Variants in CEMIP observed in about 807,000 individuals in gnomAD.
CEMIP encodes the protein cell migration-inducing and hyaluronan-binding protein.
CEMIP carries 105 observed loss-of-function variants against 156.9 expected under a neutral mutation model. The observed-to-expected ratio is 0.67, with a 90% CI of 0.57 to 0.79. CEMIP has a LOEUF of 0.79. Among genes scored for constraint, CEMIP ranks in the 30% least tolerant of loss-of-function variants. The pLI is 0.00. For synonymous variants in CEMIP, 676 were observed against 668.4 expected, an observed-to-expected ratio of 1.01 and a Z score of -0.17; for missense variants, 1,457 against 1,769.4, an observed-to-expected ratio of 0.82 and a Z score of 3.17.
chr15:80,811,129 C>T (rs1220533977), intron 1 of CEMIP, among the ~76,000 whole-genome samples: 1 of 151,978 alleles, frequency 6.6e-6, no homozygotes, highest in Non-Finnish European at 1.5e-5. Context: ...AGAAATGAGA[C>T]AAAAAACTAA....
intron 1 of CEMIP, among the ~76,000 whole-genome samples, chr15:80,833,613 G>T (rs1897204107): frequency 6.6e-6 from 1 of 151,894 alleles, no homozygotes; most frequent in Non-Finnish European, 1.5e-5. Flanking sequence ...AGTCAAGATG[G>T]CTCTACCCTC....
At chr15:80,924,958 G>C (rs1900605491) in intron 18 of CEMIP, among the ~76,000 whole-genome samples, 2 of 152,206 alleles carry the variant, frequency 1.3e-5, no homozygotes, top group African/African-American at 4.8e-5. Context: ...AAAGTGAATA[G>C]CTGGTAAGTC....
At chr15:80,837,676 GA>G (rs1489971279) in intron 1 of CEMIP, among the ~76,000 whole-genome samples, 1 of 152,222 alleles carries the variant, frequency 6.6e-6, no homozygotes, top group Non-Finnish European at 1.5e-5. Flanking sequence ...CCTTCAAGAG[GA>G]AGTAAACAGA....
At chr15:80,840,684 G>C (rs770552913) in intron 1 of CEMIP, among the ~76,000 whole-genome samples, 43 of 152,178 alleles carry the variant, frequency 2.8e-4, no homozygotes, top group Non-Finnish European at 5.3e-4. Flanking sequence ...GGCCGGCCCT[G>C]GGCCCTGCAG....
intron 1 of CEMIP, among the ~76,000 whole-genome samples, chr15:80,793,432 A>T (rs1194361455): frequency 6.6e-6 from 1 of 152,158 alleles, no homozygotes; most frequent in African/African-American, 2.4e-5. Flanking sequence ...AGTGAAGGGG[A>T]GTGGTTACCA....
intron 1 of CEMIP, among the ~76,000 whole-genome samples, chr15:80,848,900 GCA>G (rs3221932): frequency 1.0e-4 from 14 of 134,632 alleles, no homozygotes; most frequent in East Asian, 2.2e-4. Flanking sequence ...GTGTGCGCGT[GCA>G]CACACACACA....
intron 3 of CEMIP, 116 bp from the exon 4 acceptor site, chr15:80,878,605 C>CT: frequency 7.3e-7 from 1 of 1,375,092 alleles, no homozygotes. Context: ...GCTTTTAGCT[C>CT]TAACAGAGAG....
Position 80,936,845 on chromosome 15 carries a change from G to T in CEMIP, c.3181G>T (p.Ala1061Ser). The T allele has an allele frequency of 6.2e-7, 1 of 1,614,064 alleles. No individual in the cohort carries two copies. Among genetic ancestry groups the T allele is most frequent in the Non-Finnish European group, 8.5e-7 (1 of 1,180,046 alleles). Residue 1061 changes from alanine (A) to serine (S), a missense_variant, in exon 24 of 30, where the codon GCC (alanine) becomes TCC (serine). Ala to Ser is a moderately conservative substitution (Grantham distance 99). This residue lies in a region of CEMIP where 798 missense variants were observed against 980.1 expected (regional missense o/e 0.81). Coordinates refer to ENST00000394685, the MANE Select transcript of CEMIP (RefSeq NM_001293298.2). ...CTACACCATCCACTGGGACCAGACG[G>T]CCCCCGCCGAACTCGCCATCTGGCT... ...KGYTIHWDQT[A>S]PAELAIWLIN...
chr15:80,790,276 C>A (rs1034872337), intron 1 of CEMIP, among the ~76,000 whole-genome samples: 4 of 152,196 alleles, frequency 2.6e-5, no homozygotes, highest in African/African-American at 9.6e-5. Context: ...ACCAGCCCCC[C>A]AAGCATGTAC....
chr15:80,880,355 T>G (rs142230803), intron 5 of CEMIP, among the ~76,000 whole-genome samples: 1 of 152,362 alleles, frequency 6.6e-6, no homozygotes, highest in Non-Finnish European at 1.5e-5. Context: ...ACTTGTGAAC[T>G]AATAATTGGC....
intron 29 of CEMIP, chr15:80,947,302 A>G: frequency 2.0e-6 from 1 of 505,752 alleles, no homozygotes; most frequent in Admixed American, 3.2e-5. Context: ...CCACTGAAAG[A>G]AAATTGCTAT....
intron 1 of CEMIP, among the ~76,000 whole-genome samples, chr15:80,797,045 G>C (rs1385505629): frequency 6.6e-6 from 1 of 152,154 alleles, no homozygotes; most frequent in Non-Finnish European, 1.5e-5. Flanking sequence ...GATGTGGAGA[G>C]AGATGAGGCT....
chr15:80,800,571 T>G (rs1321204587), intron 1 of CEMIP, among the ~76,000 whole-genome samples: 2 of 152,216 alleles, frequency 1.3e-5, no homozygotes, highest in African/African-American at 4.8e-5. Flanking sequence ...GTCATTTTAC[T>G]TTGGGACTTT....
intron 1 of CEMIP, among the ~76,000 whole-genome samples, chr15:80,823,659 G>GA (rs1896961000): frequency 6.6e-6 from 1 of 152,112 alleles, no homozygotes; most frequent in Non-Finnish European, 1.5e-5. Context: ...AACCCTGATG[G>GA]TGGGTTCCAG....
At chr15:80,939,830 G>T (rs1017643613) in intron 25 of CEMIP, among the ~76,000 whole-genome samples, 1 of 152,186 alleles carries the variant, frequency 6.6e-6, no homozygotes, top group Non-Finnish European at 1.5e-5. Flanking sequence ...TATACTCAGA[G>T]CACCTGCCTT....
Position 80,878,834 on chromosome 15 carries a change from G to A in CEMIP, c.208G>A (p.Ala70Thr). ...CAAGACACTGCTGCTCACCTCTTCT[G>A]CCACGGTCTATTCCATCCACATCTC... ...QGKTLLLTSS[A>T]TVYSIHISEG... The change falls in exon 4 of 30, where the codon GCC becomes ACC. Residue 70 changes from alanine (A) to threonine (T), a missense_variant. Physicochemically the swap from Ala to Thr is moderately conservative, Grantham distance 58. Coordinates refer to ENST00000394685, the MANE Select transcript of CEMIP (RefSeq NM_001293298.2). 6.2e-7 allele frequency: 1 copy of A among 1,614,156 alleles called. No individual in the cohort carries two copies. The highest frequency in any genetic ancestry group is 8.5e-7 in the Non-Finnish European group (1 of 1,180,024).
chr15:80,862,072 C>T (rs1023901063), intron 1 of CEMIP, among the ~76,000 whole-genome samples: 3 of 152,250 alleles, frequency 2.0e-5, no homozygotes, highest in Non-Finnish European at 4.4e-5. Context: ...GGCAGACTTT[C>T]CCTGCCTGAA....
chr15:80,783,429 T>C (rs1895847566), intron 1 of CEMIP, among the ~76,000 whole-genome samples: 4 of 152,220 alleles, frequency 2.6e-5, no homozygotes, highest in Non-Finnish European at 5.9e-5. Flanking sequence ...CTGCTTGTTT[T>C]TTACCATTAT....
In CEMIP at chr15:80,840,048, C is replaced by T. The variant is rs116563782; in HGVS notation, c.-175-33490C>T. Among the ~76,000 whole-genome samples the T allele has an allele frequency of 3.3e-3, 500 of 152,314 alleles. 1 individual carries two copies. Among genetic ancestry groups the T allele is most frequent in the African/African-American group, 0.012 (478 of 41,558 alleles). ...TTTGAATCTCCTCCTCTAAGGGGCC[C>T]CCCAGGCCAGCAGGGAAGAGAAAGT... On this transcript the variant is annotated intron_variant, in intron 1 of 29. Transcript: ENST00000394685.
Sources: allele counts gnomAD v4.1 joint callset (sites outside exome capture counted in the v4.1 genomes callset), GRCh38; gene constraint gnomAD v4.1.1; regional missense constraint gnomAD v4.1.1; transcripts MANE v1.5; gene names NCBI Gene and HGNC (gene_info 2026-07-23, HGNC 2026-07-21).